DHX16: variants seen among roughly 807,000 people sequenced by gnomAD.
DHX16 encodes DEAH-box helicase 16, also known as pre-mRNA-splicing factor ATP-dependent RNA helicase DHX16.
In DHX16, 81 loss-of-function variants were observed where a neutral mutation model predicts 131.2. The observed-to-expected ratio is 0.62, with a 90% CI of 0.52 to 0.74. DHX16 has a LOEUF of 0.74. Among genes scored for constraint, DHX16 ranks in the 30% least tolerant of loss-of-function variants. The pLI is 0.00. For synonymous variants in DHX16, 440 were observed against 520.2 expected, an observed-to-expected ratio of 0.85 and a Z score of 2.10; for missense variants, 980 against 1,363.1, an observed-to-expected ratio of 0.72 and a Z score of 4.43.
At chr6:30,657,121 T>G (rs779379959) in intron 12 of DHX16, 29 bp from the exon 13 acceptor site, 3 of 1,587,260 alleles carry the variant, frequency 1.9e-6, no homozygotes, top group Non-Finnish European at 8.6e-7. Context: ...GGTCACCCAG[T>G]GACCCCACCT....
chr6:30,658,638 G>C (rs774619944), intron 12 of DHX16, among the ~76,000 whole-genome samples: 6 of 151,820 alleles, frequency 4.0e-5, no homozygotes, highest in Non-Finnish European at 8.8e-5. Context: ...TTGAGCCTGG[G>C]AGGTGGAGGC....
chr6:30,654,152 C>G (rs1430599524), intron 19 of DHX16, among the ~76,000 whole-genome samples: 1 of 152,018 alleles, frequency 6.6e-6, no homozygotes, highest in Non-Finnish European at 1.5e-5. Flanking sequence ...AGACTATACT[C>G]TGTGAGACCA....
chr6:30,666,916 T>A (rs1000340780), intron 4 of DHX16, among the ~76,000 whole-genome samples: 1 of 152,210 alleles, frequency 6.6e-6, no homozygotes, highest in African/African-American at 2.4e-5. Context: ...TTTATGATCA[T>A]GACCTAATCT....
At position 30,662,845 on chromosome 6, in the gene DHX16, C is replaced by A; in HGVS notation, c.1428+66G>T. On this transcript the variant is annotated intron_variant, in intron 8 of 19. Coordinates refer to ENST00000376442, the MANE Select transcript of DHX16 (RefSeq NM_003587.5). The surrounding 1 kb of genome is among the most constrained non-coding windows in gnomAD (Gnocchi z 4.7). ...AGCACCAAGACTTCTGCTGTAGGGA[C>A]CTGAGGGAACTGTAGACTGAGTCAC... 1 of 1,562,294 alleles carries A rather than the reference C, an allele frequency of 6.4e-7. No individual in the cohort carries two copies. The highest frequency in any genetic ancestry group is 8.8e-7 in the Non-Finnish European group (1 of 1,135,632).
At chr6:30,668,102 T>A (rs1769206666) in intron 4 of DHX16, among the ~76,000 whole-genome samples, 1 of 152,172 alleles carries the variant, frequency 6.6e-6, no homozygotes, top group Non-Finnish European at 1.5e-5. Context: ...TTCCTGACTG[T>A]GACAAGAGCA....
chr6:30,657,669 G>GT (rs1219592213), intron 12 of DHX16, among the ~76,000 whole-genome samples: 1 of 152,030 alleles, frequency 6.6e-6, no homozygotes, highest in Non-Finnish European at 1.5e-5. Flanking sequence ...CTCTGCCCAA[G>GT]TAAGTGCACT....
Position 30,659,842 on chromosome 6 carries a change from G to A in DHX16, c.1756-8C>T, listed in dbSNP as rs1240911249. Reference sequence around the variant, plus strand: ...GTAGTCAGCCTCTGGAGCCTGGAGAGCAGAAAGAGATGGGGTCACAGGAGG... The same window carrying A: ...GTAGTCAGCCTCTGGAGCCTGGAGAACAGAAAGAGATGGGGTCACAGGAGG... On this transcript the variant is annotated splice_region_variant and splice_polypyrimidine_tract_variant and intron_variant, in intron 10 of 19. Coordinates refer to ENST00000376442, the MANE Select transcript of DHX16 (RefSeq NM_003587.5). 6.2e-7 allele frequency: 1 copy of A among 1,613,568 alleles called. No homozygotes were observed. Among genetic ancestry groups the A allele is most frequent in the Admixed American group, 1.7e-5 (1 of 59,988 alleles).
intron 19 of DHX16, 51 bp downstream of exon 19, chr6:30,654,655 C>G: frequency 6.5e-7 from 1 of 1,529,330 alleles, no homozygotes; most frequent in Non-Finnish European, 8.8e-7. Context: ...TGCCAGGACA[C>G]CATCTCTCTA....
At position 30,672,728 on chromosome 6, in the gene DHX16, G is replaced by A; in HGVS notation, c.114C>T (p.Thr38=). ...QFLIGTAQRC[T]SAEEFVQRLR... ...GGCGCTGCACGAACTCCTCGGCAGAGGTGCAGCGCTGTGCGGTACCGATCA... is the reference window on the plus strand; with the variant it reads ...GGCGCTGCACGAACTCCTCGGCAGAAGTGCAGCGCTGTGCGGTACCGATCA... Residue 38 remains threonine, a synonymous_variant, in exon 1 of 20, where the codon ACC becomes ACT. Coordinates refer to ENST00000376442, the MANE Select transcript of DHX16 (RefSeq NM_003587.5). 1.2e-6 allele frequency: 2 copies of A among 1,613,056 alleles called. No individual in the cohort carries two copies. The highest frequency in any genetic ancestry group is 1.7e-6 in the Non-Finnish European group (2 of 1,180,010).
intron 4 of DHX16, among the ~76,000 whole-genome samples, chr6:30,666,810 A>T (rs1769085634): frequency 2.0e-5 from 3 of 151,108 alleles, no homozygotes; most frequent in South Asian, 2.1e-4. Flanking sequence ...CTGCATCTTT[A>T]AAAAAAAAGC....
At chr6:30,660,508 A>C (rs1393859419) in intron 9 of DHX16, 9 of 389,704 alleles carry the variant, frequency 2.3e-5, no homozygotes, top group African/African-American at 4.1e-5. Context: ...TGAGGCCAGG[A>C]CAAGTTAGCC....
intron 1 of DHX16, among the ~76,000 whole-genome samples, 169 bp from the exon 2 acceptor site, chr6:30,671,443 G>A (rs543123425): frequency 5.9e-4 from 90 of 152,304 alleles, no homozygotes; most frequent in Admixed American, 3.2e-3. Flanking sequence ...CGCCTCCCAG[G>A]TTCAAGCAAT....
Position 30,660,053 on chromosome 6 carries a change from A to C in DHX16, c.1734T>G (p.Pro578=). 2 of 1,612,826 alleles carry C rather than the reference A, an allele frequency of 1.2e-6. No individual in the cohort carries two copies. Among genetic ancestry groups the C allele is most frequent in the Non-Finnish European group, 8.5e-7 (1 of 1,179,884 alleles). ...GCACCTTGGTGTAGAAGATGTCCAC[A>C]GGAAACCTGCGTCCGGGGATTCGAA... ...PVFRIPGRRF[P]VDIFYTKAPE... is the part of the protein sequence containing the mutation. The change falls in exon 10 of 20, where the codon CCT becomes CCG. Residue 578 remains proline (P), a synonymous_variant. Transcript: ENST00000376442.
At chr6:30,661,984 C>T (rs1768561265) in intron 9 of DHX16, 1 of 662,230 alleles carries the variant, frequency 1.5e-6, no homozygotes, top group African/African-American at 1.8e-5. Flanking sequence ...TATTGTTCAG[C>T]TGGCCTGACC....
chr6:30,666,101 TA>T (rs1181425390), intron 4 of DHX16, among the ~76,000 whole-genome samples: 1 of 152,198 alleles, frequency 6.6e-6, no homozygotes, highest in Non-Finnish European at 1.5e-5. Flanking sequence ...ATCCAGCATT[TA>T]GAAGCACAGG....
chr6:30,662,024 T>TC lies in DHX16; in HGVS notation c.1544+602dup. On this transcript the variant is annotated intron_variant, in intron 9 of 19. Coordinates refer to ENST00000376442, the MANE Select transcript of DHX16 (RefSeq NM_003587.5). This position sits in a 1 kb window ranked among gnomAD's most constrained non-coding sequence, Gnocchi z 4.7. ...CCCCATTACATTCATGAATCCCTTT[T>TC]CCCCCTCAACACATGTTCAACCAAC... 2 of 617,768 alleles carry TC rather than the reference T, an allele frequency of 3.2e-6. No homozygotes were observed. Among genetic ancestry groups the TC allele is most frequent in the Admixed American group, 2.4e-5 (1 of 40,960 alleles). 38.3% of individuals were successfully genotyped at this position (617,768 alleles called of 1,614,324 possible).
Position 30,662,747 on chromosome 6 carries a change from T to A in DHX16, c.1429-5A>T. 6.2e-7 allele frequency: 1 copy of A among 1,612,142 alleles called. No homozygotes were observed. Among genetic ancestry groups the A allele is most frequent in the Non-Finnish European group, 8.5e-7 (1 of 1,179,608 alleles). On this transcript the variant is annotated splice_region_variant and splice_polypyrimidine_tract_variant and intron_variant, in intron 8 of 19. Transcript: ENST00000376442. The surrounding 1 kb of genome is among the most constrained non-coding windows in gnomAD (Gnocchi z 4.7). ...AAAGCGGATGCTGTAGCCAACCTGG[T>A]CAAGGGAACCATTAGCAACCAAGTG...
chr6:30,663,565 C>T (rs1768721170), intron 7 of DHX16, among the ~76,000 whole-genome samples: 1 of 151,084 alleles, frequency 6.6e-6, no homozygotes, highest in African/African-American at 2.4e-5. Flanking sequence ...ACTAAAAATA[C>T]AAAAAATTAG....
intron 4 of DHX16, among the ~76,000 whole-genome samples, chr6:30,668,112 A>C (rs1169967057): frequency 6.6e-6 from 1 of 152,208 alleles, no homozygotes. Context: ...TGACAAGAGC[A>C]TTCTGATTTT....
Sources: gnomAD v4.1 joint callset for allele counts (sites outside exome capture counted in the v4.1 genomes callset) on GRCh38, gnomAD v4.1.1 for gene constraint, Gnocchi (gnomAD v3.1) non-coding constraint, MANE v1.5 for transcripts, NCBI Gene and HGNC (gene_info 2026-07-23, HGNC 2026-07-21) for gene names.